Variants in FNDC3B observed in about 807,000 individuals in gnomAD.
FNDC3B encodes the protein fibronectin type III domain containing 3B.
FNDC3B carries 12 observed loss-of-function variants against 151.5 expected under a neutral mutation model. That is an observed-to-expected ratio of 0.08 (90% CI 0.05 to 0.13). FNDC3B has a LOEUF of 0.13. Ranked by LOEUF, FNDC3B falls within the 10% of genes least tolerant of loss-of-function variation. The pLI is 1.00. For synonymous variants in FNDC3B, 528 were observed against 549.0 expected (o/e 0.96, Z 0.54); for missense variants, 1,214 against 1,505.3 (o/e 0.81, Z 3.20).
intron 3 of FNDC3B, among the ~76,000 whole-genome samples, chr3:172,181,395 C>CAAAAAAAAAAAAAAAAAAAAA (rs755223783): frequency 4.2e-5 from 3 of 71,532 alleles, no homozygotes; most frequent in African/African-American, 1.9e-4. Context: ...ACTCTGTCTC[C>CAAAAAAAAAAAAAAAAAAAAA]AAAAAAAAAA....
intron 25 of FNDC3B, among the ~76,000 whole-genome samples, chr3:172,393,178 A>G (rs950705890): frequency 6.6e-6 from 1 of 152,138 alleles, no homozygotes; most frequent in Non-Finnish European, 1.5e-5. Context: ...CATAGACTGA[A>G]AGTGAAAAGT....
rs141715930 is a variant in FNDC3B at position 172,353,497 on chromosome 3, C to T, written c.2795+414C>T. 4.4e-3 allele frequency among the ~76,000 whole-genome samples: 666 copies of T among 152,278 alleles called. 5 individuals are homozygous for T. The highest frequency in any genetic ancestry group is 7.5e-3 in the Non-Finnish European group (509 of 68,038). On this transcript the variant is annotated intron_variant, in intron 22 of 25. Transcript: ENST00000415807. ...TTCTAAAAGGATGGCATTGGAGATA[C>T]GTTGACTTTTATTAAACAACCTATA...
chr3:172,264,723 G>T (rs1014028955), intron 6 of FNDC3B, among the ~76,000 whole-genome samples: 2 of 152,134 alleles, frequency 1.3e-5, no homozygotes, highest in Non-Finnish European at 2.9e-5. Context: ...TACATGAGAA[G>T]GATGTTTTTA....
chr3:172,191,433 A>G (rs528702004), intron 3 of FNDC3B, among the ~76,000 whole-genome samples: 2 of 152,296 alleles, frequency 1.3e-5, no homozygotes, highest in South Asian at 4.1e-4. Flanking sequence ...TTCTAGAGAC[A>G]GGAGGGCCTG....
chr3:172,158,730 A>G (rs1722624465), intron 3 of FNDC3B, among the ~76,000 whole-genome samples: 1 of 151,982 alleles, frequency 6.6e-6, no homozygotes, highest in African/African-American at 2.4e-5. Context: ...GACTCCAAAG[A>G]TTTTTTTCCT....
At chr3:172,377,234 G>A (rs930829192) in intron 23 of FNDC3B, among the ~76,000 whole-genome samples, 6 of 152,204 alleles carry the variant, frequency 3.9e-5, no homozygotes, top group African/African-American at 1.4e-4. Flanking sequence ...CGAAGCCCTG[G>A]AAATGTAGAA....
chr3:172,169,705 C>T (rs373623557), intron 3 of FNDC3B, among the ~76,000 whole-genome samples: 6 of 152,172 alleles, frequency 3.9e-5, no homozygotes, highest in African/African-American at 9.7e-5. Flanking sequence ...ATGTTACCTA[C>T]GAGTGAGTGA....
chr3:172,377,860 G>A (rs1422537508), intron 23 of FNDC3B, among the ~76,000 whole-genome samples: 1 of 152,132 alleles, frequency 6.6e-6, no homozygotes, highest in Non-Finnish European at 1.5e-5. Flanking sequence ...TGGCTAAAGA[G>A]GACCTTATTT....
At chr3:172,355,690 A>G (rs551851447) in intron 22 of FNDC3B, among the ~76,000 whole-genome samples, 15 of 152,334 alleles carry the variant, frequency 9.8e-5, no homozygotes, top group African/African-American at 1.4e-4. Context: ...GTAGGCCGCA[A>G]TTGGCCCCAG....
Position 172,333,278 on chromosome 3 carries a change from C to T in FNDC3B, c.1641+103C>T. On this transcript the variant is annotated intron_variant, in intron 14 of 25. Transcript: ENST00000415807. ...ACTCTACAGGTTAAAAAATGAAGTT[C>T]ACAGCACTTTACATTTTGAAAGTAA... 3 of 762,956 alleles carry T rather than the reference C, an allele frequency of 3.9e-6. No individual in the cohort carries two copies. In the South Asian group the frequency reaches 4.4e-5, roughly 11 times the overall value. 47.3% of individuals were successfully genotyped at this position (762,956 alleles called of 1,614,324 possible).
At chr3:172,107,350 C>T (rs1282124957) in intron 1 of FNDC3B, among the ~76,000 whole-genome samples, 5 of 151,944 alleles carry the variant, frequency 3.3e-5, no homozygotes, top group African/African-American at 1.2e-4. Context: ...CAAATAAATG[C>T]GTTGTAGTAG....
chr3:172,388,106 G>T (rs1408731206), intron 25 of FNDC3B, among the ~76,000 whole-genome samples: 2 of 152,176 alleles, frequency 1.3e-5, no homozygotes, highest in Admixed American at 6.5e-5. Context: ...TCATGAGAAG[G>T]AGGTGTACAG....
intron 3 of FNDC3B, among the ~76,000 whole-genome samples, chr3:172,193,586 G>A (rs1291693797): frequency 1.3e-5 from 2 of 151,042 alleles, no homozygotes; most frequent in Non-Finnish European, 2.9e-5. Flanking sequence ...CATTTTGATC[G>A]CTGGCTGATG....
chr3:172,163,308 AC>A (rs916168373), intron 3 of FNDC3B, among the ~76,000 whole-genome samples: 88 of 152,034 alleles, frequency 5.8e-4, no homozygotes, highest in African/African-American at 2.0e-3. Flanking sequence ...TAAAGCAAAC[AC>A]CCATATAACC....
rs1167627679 is a variant in FNDC3B, at chr3:172,392,810, C to CTTTTTTTTTTTTTTTTTTT, written c.3304-4342_3304-4341insTTTTTTTTTTTTTTTTTTT. ...GAATGAATTTTTTCTTTTTTTTTTTCTTTTTTTTTTTTCAGACAGAGAGTA... is the reference window on the plus strand; with the variant it reads ...GAATGAATTTTTTCTTTTTTTTTTTCTTTTTTTTTTTTTTTTTTTTTTTTTTTTTTTCAGACAGAGAGTA... On this transcript the variant is annotated intron_variant, in intron 25 of 25. Transcript: ENST00000415807. Among the ~76,000 whole-genome samples the CTTTTTTTTTTTTTTTTTTT allele has an allele frequency of 5.3e-4, 53 of 99,888 alleles. 1 individual carries two copies. The highest frequency in any genetic ancestry group is 8.4e-4 in the Non-Finnish European group (45 of 53,820). The allele number at this position is 99,888 out of a possible 152,430, so 65.5% of individuals were successfully genotyped here.
At chr3:172,396,531 G>A (rs71310507) in intron 25 of FNDC3B, among the ~76,000 whole-genome samples, 22,287 of 151,944 alleles carry the variant, frequency 0.15, 2,550 homozygotes, top group East Asian at 0.6. Flanking sequence ...TAAATCAGGG[G>A]TCCCCAACCC....
intron 25 of FNDC3B, among the ~76,000 whole-genome samples, chr3:172,384,133 T>TA (rs889005011): frequency 6.6e-6 from 1 of 152,174 alleles, no homozygotes; most frequent in Non-Finnish European, 1.5e-5. Context: ...AAAATGTTTT[T>TA]AAAAAAAGGT....
chr3:172,359,878 C>A (rs564156234), intron 22 of FNDC3B, among the ~76,000 whole-genome samples: 1 of 152,242 alleles, frequency 6.6e-6, no homozygotes, highest in East Asian at 1.9e-4. Context: ...TCTGCTTTAT[C>A]AGAGATGAGT....
intron 9 of FNDC3B, among the ~76,000 whole-genome samples, chr3:172,300,443 A>G (rs1560065637): frequency 6.7e-6 from 1 of 149,596 alleles, no homozygotes. Context: ...TTTATTTACC[A>G]TCCTGTCTGT....
Sources: allele counts gnomAD v4.1 joint callset (sites outside exome capture counted in the v4.1 genomes callset), GRCh38; gene constraint gnomAD v4.1.1; transcripts MANE v1.5; gene names NCBI Gene and HGNC (gene_info 2026-07-23, HGNC 2026-07-21).